Variants in PLEKHH2 observed in about 807,000 individuals in gnomAD.
The protein encoded by PLEKHH2 is pleckstrin homology domain-containing family H member 2.
Under a neutral mutation model 187.9 loss-of-function variants are expected in PLEKHH2, and 129 were observed. The observed-to-expected ratio is 0.69, with a 90% CI of 0.59 to 0.79. The LOEUF (loss-of-function observed/expected upper bound fraction) is 0.79, where lower values mean the gene tolerates loss of function less well. Ranked by LOEUF, PLEKHH2 falls within the 30% of genes least tolerant of loss-of-function variation. The pLI is 0.00. For missense variants in PLEKHH2, 2,076 were observed against 1,751.2 expected, an observed-to-expected ratio of 1.19 and a Z score of -3.31; for synonymous variants, 686 against 605.6, an observed-to-expected ratio of 1.13 and a Z score of -1.95.
chr2:43,720,360 G>A (rs143648094), intron 15 of PLEKHH2, among the ~76,000 whole-genome samples: 32 of 151,742 alleles, frequency 2.1e-4, no homozygotes, highest in African/African-American at 7.5e-4. Flanking sequence ...ATTGCATGAT[G>A]CTGAGGTTTG....
chr2:43,732,869 C>T (rs1193524146), intron 19 of PLEKHH2, among the ~76,000 whole-genome samples: 1 of 152,184 alleles, frequency 6.6e-6, no homozygotes, highest in Non-Finnish European at 1.5e-5. Context: ...ATGTGCAATG[C>T]TGCAGAGCAT....
intron 15 of PLEKHH2, among the ~76,000 whole-genome samples, chr2:43,717,119 TA>T (rs1344291512): frequency 6.6e-6 from 1 of 151,968 alleles, no homozygotes; most frequent in Non-Finnish European, 1.5e-5. Context: ...ATGAATGAGG[TA>T]AAGAACAAGA....
At chr2:43,737,877 A>G (rs938238072) in intron 19 of PLEKHH2, among the ~76,000 whole-genome samples, 2 of 151,336 alleles carry the variant, frequency 1.3e-5, no homozygotes, top group Non-Finnish European at 2.9e-5. Flanking sequence ...ACGGAGGACC[A>G]CTTTGGAGAT....
chr2:43,723,639 C>T (rs926242822), intron 16 of PLEKHH2, among the ~76,000 whole-genome samples: 3 of 152,134 alleles, frequency 2.0e-5, no homozygotes, highest in Admixed American at 6.5e-5. Context: ...GGGAAGAAAA[C>T]GCAGAGGGTC....
chr2:43,711,681 G>A, intron 14 of PLEKHH2: 2 of 629,212 alleles, frequency 3.2e-6, no homozygotes, highest in Non-Finnish European at 4.0e-6. Flanking sequence ...CATGAGGTCA[G>A]GAGATCGAGA....
At chr2:43,761,481 G>A (rs1672427541) in intron 27 of PLEKHH2, among the ~76,000 whole-genome samples, 1 of 144,806 alleles carries the variant, frequency 6.9e-6, no homozygotes, top group Non-Finnish European at 1.5e-5. Context: ...CACTATCTCA[G>A]CTCACTGCAG....
intron 2 of PLEKHH2, among the ~76,000 whole-genome samples, chr2:43,652,099 G>C (rs7586766): frequency 0.22 from 34,226 of 152,138 alleles, 4,205 homozygotes; most frequent in Middle Eastern, 0.32. Flanking sequence ...GGGCGGTGAG[G>C]TCATAGATGC....
At chr2:43,756,510 G>A (rs147233153) in intron 25 of PLEKHH2, among the ~76,000 whole-genome samples, 67 of 152,166 alleles carry the variant, frequency 4.4e-4, no homozygotes, top group African/African-American at 1.5e-3. Context: ...AATTAAAATA[G>A]TGCCTTAAAA....
At chr2:43,683,537 T>A (rs1668345787) in intron 3 of PLEKHH2, among the ~76,000 whole-genome samples, 1 of 152,102 alleles carries the variant, frequency 6.6e-6, no homozygotes, top group Non-Finnish European at 1.5e-5. Context: ...ATTTATAGGG[T>A]CTTTTTTCCT....
At chr2:43,741,538 A>G (rs1024866037) in intron 21 of PLEKHH2, among the ~76,000 whole-genome samples, 1 of 152,228 alleles carries the variant, frequency 6.6e-6, no homozygotes, top group South Asian at 2.1e-4. Flanking sequence ...ATTGGGACCC[A>G]GGTCACTCAG....
intron 5 of PLEKHH2, among the ~76,000 whole-genome samples, 162 bp downstream of exon 5, chr2:43,694,676 T>A (rs551453710): frequency 1.3e-5 from 2 of 152,324 alleles, no homozygotes; most frequent in South Asian, 4.1e-4. Context: ...CATTTTAATA[T>A]CCAGTGTATT....
chr2:43,675,624 A>C (rs148112877), intron 2 of PLEKHH2: 26,896 of 1,613,720 alleles, frequency 0.017, 284 homozygotes, highest in Middle Eastern at 0.034. Flanking sequence ...AATCCTCTGC[A>C]TTTTCTGCAT....
In PLEKHH2 at chr2:43,747,845, A is replaced by G. The variant is rs188053283; in HGVS notation, c.3653+1882A>G. Among the ~76,000 whole-genome samples the G allele has an allele frequency of 3.9e-5, 6 of 152,338 alleles. 1 individual carries two copies. The highest frequency in any genetic ancestry group is 4.1e-4 in the South Asian group (2 of 4,820). ...ACTTAAAATTGGAATGTAAGAATTG[A>G]AGGCACTGTACAACATAAAGAATGT... is the stretch of plus-strand genomic sequence containing the variant. On this transcript the variant is annotated intron_variant, in intron 24 of 29. Coordinates refer to ENST00000282406, the MANE Select transcript of PLEKHH2 (RefSeq NM_172069.4).
intron 16 of PLEKHH2, among the ~76,000 whole-genome samples, chr2:43,724,155 G>C (rs1037708059): frequency 2.0e-5 from 3 of 152,158 alleles, no homozygotes; most frequent in Non-Finnish European, 4.4e-5. Flanking sequence ...AGTCTGAAAT[G>C]CTGTTAAGTT....
intron 26 of PLEKHH2, 123 bp downstream of exon 26, chr2:43,757,387 A>T: frequency 1.4e-6 from 1 of 698,718 alleles, no homozygotes; most frequent in Non-Finnish European, 2.1e-6. Flanking sequence ...TTTTAACATG[A>T]TTGAGCCACA....
chr2:43,692,012 T>C (rs995589780), intron 3 of PLEKHH2, among the ~76,000 whole-genome samples: 1 of 152,222 alleles, frequency 6.6e-6, no homozygotes, highest in Non-Finnish European at 1.5e-5. Flanking sequence ...TTATTTTTTA[T>C]GATTCCATCA....
At chr2:43,716,155 AT>A (rs758897802) in intron 15 of PLEKHH2, among the ~76,000 whole-genome samples, 72 of 152,106 alleles carry the variant, frequency 4.7e-4, no homozygotes, top group Non-Finnish European at 8.2e-4. Flanking sequence ...CAGGAGAGGC[AT>A]TTTTTAGGGT....
intron 19 of PLEKHH2, among the ~76,000 whole-genome samples, chr2:43,734,865 T>A (rs1249620317): frequency 2.0e-5 from 3 of 152,112 alleles, no homozygotes; most frequent in Admixed American, 2.0e-4. Flanking sequence ...CATCAGTAGA[T>A]GAATGGATAA....
intron 2 of PLEKHH2, among the ~76,000 whole-genome samples, chr2:43,672,536 C>T (rs1254220250): frequency 1.3e-5 from 2 of 152,224 alleles, no homozygotes; most frequent in African/African-American, 2.4e-5. Context: ...TAATGACCTC[C>T]TAATTAGCAG....
Sources: allele counts gnomAD v4.1 joint callset (sites outside exome capture counted in the v4.1 genomes callset), GRCh38; gene constraint gnomAD v4.1.1; transcripts MANE v1.5; gene names NCBI Gene and HGNC (gene_info 2026-07-23, HGNC 2026-07-21).